RAB2A: variants seen among roughly 807,000 people sequenced by gnomAD.
RAB2A encodes the protein RAB2A, member RAS oncogene family.
In RAB2A, 7 loss-of-function variants were observed where a neutral mutation model predicts 32.5. The observed-to-expected ratio is 0.22, with a 90% CI of 0.12 to 0.40. The LOEUF is 0.40. Ranked by LOEUF, RAB2A falls within the 10% of genes least tolerant of loss-of-function variation. The pLI is 1.00. For missense variants in RAB2A, 108 were observed against 260.7 expected, an observed-to-expected ratio of 0.41 and a Z score of 4.03; for synonymous variants, 79 against 85.2, an observed-to-expected ratio of 0.93 and a Z score of 0.40.
chr8:60,527,102 G>C (rs1807404069), intron 1 of RAB2A, among the ~76,000 whole-genome samples: 1 of 152,138 alleles, frequency 6.6e-6, no homozygotes, highest in Non-Finnish European at 1.5e-5. Context: ...AATCATGGCA[G>C]AAGGTGAAGG....
intron 5 of RAB2A, among the ~76,000 whole-genome samples, chr8:60,586,038 C>T (rs779342254): frequency 2.6e-5 from 4 of 152,154 alleles, no homozygotes; most frequent in Non-Finnish European, 4.4e-5. Flanking sequence ...CAGTGGCTCA[C>T]ACCTGTGATC....
At chr8:60,519,616 C>T (rs932897565) in intron 1 of RAB2A, among the ~76,000 whole-genome samples, 5 of 152,186 alleles carry the variant, frequency 3.3e-5, no homozygotes, top group Admixed American at 1.3e-4. Flanking sequence ...ATATTGATCC[C>T]AGACTTTTCT....
chr8:60,566,065 A>G (rs1387050224), intron 2 of RAB2A, among the ~76,000 whole-genome samples: 1 of 152,194 alleles, frequency 6.6e-6, no homozygotes, highest in African/African-American at 2.4e-5. Context: ...GAATATGATC[A>G]TTGTGAAAAT....
chr8:60,524,691 A>G (rs980448231), intron 1 of RAB2A, among the ~76,000 whole-genome samples: 17 of 152,202 alleles, frequency 1.1e-4, no homozygotes, highest in Non-Finnish European at 8.8e-5. Context: ...GTTCTCATCC[A>G]TGGAAATGCT....
At chr8:60,614,447 T>G (rs1435506826) in intron 6 of RAB2A, among the ~76,000 whole-genome samples, 1 of 152,090 alleles carries the variant, frequency 6.6e-6, no homozygotes, top group Non-Finnish European at 1.5e-5. Context: ...GACAGGGGTC[T>G]TACTACATTG....
chr8:60,594,335 A>T, intron 6 of RAB2A, among the ~76,000 whole-genome samples: 1 of 152,208 alleles, frequency 6.6e-6, no homozygotes, highest in East Asian at 1.9e-4. Flanking sequence ...TGTATGGTCA[A>T]ATTTCTGAAC....
At chr8:60,588,039 G>A (rs541712942) in intron 5 of RAB2A, among the ~76,000 whole-genome samples, 5 of 152,188 alleles carry the variant, frequency 3.3e-5, no homozygotes, top group Admixed American at 6.5e-5. Context: ...TTAAAAGGCC[G>A]AGGCGGGAGG....
At chr8:60,554,744 T>C (rs1250617615) in intron 1 of RAB2A, among the ~76,000 whole-genome samples, 1 of 152,112 alleles carries the variant, frequency 6.6e-6, no homozygotes, top group Non-Finnish European at 1.5e-5. Flanking sequence ...TCCCAGCTAC[T>C]CAGGAGGCTG....
At chr8:60,584,423 C>A (rs3735827) in intron 4 of RAB2A, 133 bp downstream of exon 4, 111,810 of 716,458 alleles carry the variant, frequency 0.16, 10,012 homozygotes, top group East Asian at 0.29. Flanking sequence ...CATCTTGAGT[C>A]CAATTTAAAT....
At chr8:60,616,323 T>C (rs1212384634) in intron 6 of RAB2A, among the ~76,000 whole-genome samples, 1 of 152,216 alleles carries the variant, frequency 6.6e-6, no homozygotes, top group Non-Finnish European at 1.5e-5. Flanking sequence ...ACTTTTGTAG[T>C]ATAAAAGTGC....
intron 1 of RAB2A, among the ~76,000 whole-genome samples, chr8:60,549,458 C>T (rs1228947270): frequency 1.3e-5 from 2 of 149,800 alleles, no homozygotes; most frequent in East Asian, 2.0e-4. Flanking sequence ...GCCAACACAG[C>T]GAAACCCCGT....
At chr8:60,525,951 GTATATATGTA>G (rs1028685493) in intron 1 of RAB2A, among the ~76,000 whole-genome samples, 2 of 136,298 alleles carry the variant, frequency 1.5e-5, no homozygotes, top group East Asian at 2.1e-4. Flanking sequence ...GTCTATATAT[GTATATATGTA>G]TATATATGTC....
rs549473767 is a variant in RAB2A at position 60,546,569 on chromosome 8, T to C, written c.47-12283T>C. On this transcript the variant is annotated intron_variant, in intron 1 of 7. Coordinates refer to ENST00000262646, the MANE Select transcript of RAB2A (RefSeq NM_002865.3). ...ATGGACATCTAGAGGAAACTTCAAG[T>C]GAAGAAGTGATCCATGTTGGATTTT... Among the ~76,000 whole-genome samples the C allele has an allele frequency of 3.3e-5, 5 of 152,326 alleles. No individual in the cohort carries two copies. The South Asian group carries it at 1.0e-3, about 32-fold the overall frequency.
intron 3 of RAB2A, 36 bp downstream of exon 3, chr8:60,572,149 A>G (rs1315853974): frequency 4.1e-6 from 6 of 1,463,858 alleles, no homozygotes; most frequent in Non-Finnish European, 3.8e-6. Context: ...TGATCTCAGT[A>G]AAGTTACTTT....
intron 6 of RAB2A, among the ~76,000 whole-genome samples, chr8:60,609,848 A>T (rs958982131): frequency 6.6e-6 from 1 of 151,074 alleles, no homozygotes; most frequent in South Asian, 2.1e-4. Flanking sequence ...CGCCTGCTGT[A>T]CTCCCAGCTA....
At chr8:60,578,985 C>T (rs1276177984) in intron 3 of RAB2A, among the ~76,000 whole-genome samples, 1 of 152,140 alleles carries the variant, frequency 6.6e-6, no homozygotes, top group Non-Finnish European at 1.5e-5. Context: ...CAGACTTGTT[C>T]TGCTCTACTT....
intron 1 of RAB2A, among the ~76,000 whole-genome samples, chr8:60,531,057 G>A (rs1289516884): frequency 6.6e-6 from 1 of 152,156 alleles, no homozygotes; most frequent in Non-Finnish European, 1.5e-5. Flanking sequence ...TCAGGGTTTT[G>A]TTTTGTTTTT....
At chr8:60,534,407 C>T (rs991974426) in intron 1 of RAB2A, among the ~76,000 whole-genome samples, 6 of 151,976 alleles carry the variant, frequency 3.9e-5, no homozygotes, top group African/African-American at 1.5e-4. Flanking sequence ...TGCAGTGTAC[C>T]ATGATCACTG....
chr8:60,623,427 C>T lies in RAB2A; in HGVS notation c.*2658C>T, dbSNP rs776237973. The T allele has an allele frequency of 6.6e-6, 1 of 152,048 alleles. No homozygotes were observed. The highest frequency in any genetic ancestry group is 1.5e-5 in the Non-Finnish European group (1 of 68,028). The allele number at this position is 152,048 out of a possible 1,614,324, so 9.4% of individuals were successfully genotyped here. On this transcript the variant is annotated 3_prime_UTR_variant, in exon 8 of 8. Transcript: ENST00000262646. The stretch of plus-strand genomic sequence containing the variant: ...TTTATTCTGTCATAGATAGTAAAGC[C>T]CCATCTCAGTTTATTTAGTCCTGAG...
Sources: gnomAD v4.1 joint callset for allele counts (sites outside exome capture counted in the v4.1 genomes callset) on GRCh38, gnomAD v4.1.1 for gene constraint, MANE v1.5 for transcripts, NCBI Gene and HGNC (gene_info 2026-07-23, HGNC 2026-07-21) for gene names.